Variants in NIPBL observed in about 807,000 individuals in gnomAD.
NIPBL encodes NIPBL cohesin loading factor, also known as nipped-B-like protein.
NIPBL carries 19 observed loss-of-function variants against 321.8 expected under a neutral mutation model. That is an observed-to-expected ratio of 0.06 (90% CI 0.04 to 0.09). The LOEUF (loss-of-function observed/expected upper bound fraction) is 0.09. NIPBL is among the 10% of genes least tolerant of loss of function. The pLI, the probability that NIPBL is intolerant of heterozygous loss-of-function variation, is 1.00. For missense variants in NIPBL, 2,210 were observed against 3,327.0 expected (o/e 0.66, Z 8.26); for synonymous variants, 1,106 against 1,114.1 (o/e 0.99, Z 0.14).
intron 1 of NIPBL, chr5:36,886,077 C>T (rs1220239588): frequency 1.1e-5 from 8 of 698,712 alleles, no homozygotes; most frequent in Non-Finnish European, 2.1e-5. Context: ...GTCGGAGCTG[C>T]TGAGATGACA....
At chr5:36,983,251 T>A (rs1744350173) in intron 9 of NIPBL, among the ~76,000 whole-genome samples, 1 of 151,894 alleles carries the variant, frequency 6.6e-6, no homozygotes, top group Admixed American at 6.6e-5. Context: ...AAATGGAGCA[T>A]GTGTGGTGAT....
At chr5:37,013,728 G>A (rs1748542614) in intron 21 of NIPBL, among the ~76,000 whole-genome samples, 3 of 151,858 alleles carry the variant, frequency 2.0e-5, no homozygotes, top group Admixed American at 2.0e-4. Flanking sequence ...TCCAGACTGG[G>A]CAGCCAGGCA....
intron 1 of NIPBL, among the ~76,000 whole-genome samples, chr5:36,912,447 T>TA (rs1299735975): frequency 4.6e-5 from 7 of 151,912 alleles, no homozygotes; most frequent in Non-Finnish European, 1.0e-4. Context: ...ATCATCAGCA[T>TA]ATAGATTCAG....
At chr5:36,916,311 A>G (rs1333295793) in intron 1 of NIPBL, among the ~76,000 whole-genome samples, 2 of 152,226 alleles carry the variant, frequency 1.3e-5, no homozygotes, top group Non-Finnish European at 2.9e-5. Flanking sequence ...CTTTAGTTTG[A>G]AAGAAACTGA....
chr5:37,064,460 A>G (rs1251600026), intron 46 of NIPBL, 67 bp from the exon 47 acceptor site: 1 of 1,599,592 alleles, frequency 6.3e-7, no homozygotes, highest in East Asian at 2.2e-5. Context: ...AAGCAATAAA[A>G]ACAATAATTT....
chr5:36,959,560 A>G (rs560959156), intron 4 of NIPBL, among the ~76,000 whole-genome samples: 12 of 152,322 alleles, frequency 7.9e-5, no homozygotes, highest in South Asian at 4.1e-4. Context: ...CTTTCTGGAA[A>G]AATGTTGGAA....
At chr5:37,018,248 T>C (rs1749213752) in intron 24 of NIPBL, among the ~76,000 whole-genome samples, 1 of 152,136 alleles carries the variant, frequency 6.6e-6, no homozygotes, top group Non-Finnish European at 1.5e-5. Context: ...AAACAAGAGC[T>C]CTCACTTAAA....
At chr5:36,916,945 G>A (rs1748508958) in intron 1 of NIPBL, among the ~76,000 whole-genome samples, 1 of 152,108 alleles carries the variant, frequency 6.6e-6, no homozygotes, top group African/African-American at 2.4e-5. Flanking sequence ...ATTGTGAATA[G>A]TGCCGCAATA....
intron 6 of NIPBL, among the ~76,000 whole-genome samples, chr5:36,964,418 A>G (rs1289303117): frequency 6.6e-6 from 1 of 152,186 alleles, no homozygotes; most frequent in Non-Finnish European, 1.5e-5. Flanking sequence ...ATCCCAGAAT[A>G]GAGAATCCAG....
intron 1 of NIPBL, among the ~76,000 whole-genome samples, chr5:36,879,202 T>A (rs1745326883): frequency 6.6e-6 from 1 of 152,212 alleles, no homozygotes; most frequent in South Asian, 2.1e-4. Context: ...CTTGCTTAAT[T>A]TTCACGAACT....
intron 1 of NIPBL, 27 bp from the exon 2 acceptor site, chr5:36,953,591 A>T: frequency 1.1e-6 from 1 of 909,854 alleles, no homozygotes; most frequent in Non-Finnish European, 1.9e-6. Flanking sequence ...TATCTCTACA[A>T]ATAATTGTCT....
rs180902243 is a variant in NIPBL at position 37,064,050 on chromosome 5, C to T, written c.8049+72C>T. ...ATGATTTTTATGTGCTTATATATGT[C>T]AGTCTATTAAATGTACACCAAGTAA... is the stretch of plus-strand genomic sequence containing the variant. On this transcript the variant is annotated intron_variant, in intron 46 of 46. Transcript: ENST00000282516. The T allele has an allele frequency of 2.3e-4, 360 of 1,570,040 alleles. 2 individuals carry two copies. In the East Asian group the frequency reaches 7.9e-3, roughly 35 times the overall value.
At chr5:37,004,952 G>A (rs1747252031) in intron 16 of NIPBL, among the ~76,000 whole-genome samples, 2 of 152,124 alleles carry the variant, frequency 1.3e-5, no homozygotes, top group African/African-American at 4.8e-5. Flanking sequence ...GGATTGCTAG[G>A]GGATCTACAT....
chr5:36,944,362 T>C (rs1194297084), intron 1 of NIPBL, among the ~76,000 whole-genome samples: 1 of 152,132 alleles, frequency 6.6e-6, no homozygotes, highest in Non-Finnish European at 1.5e-5. Context: ...TGCTCTTTCA[T>C]GTGCTTTATT....
intron 9 of NIPBL, among the ~76,000 whole-genome samples, chr5:36,983,793 ATGG>A (rs761382399): frequency 3.3e-5 from 5 of 151,988 alleles, no homozygotes; most frequent in Admixed American, 1.3e-4. Context: ...TTTTATTGTA[ATGG>A]TGAATTTGTG....
chr5:36,985,190 G>A lies in NIPBL; in HGVS notation c.2010G>A (p.Glu670=). 6.2e-7 allele frequency: 1 copy of A among 1,613,880 alleles called. No homozygotes were observed. Reference sequence around the variant, plus strand: ...AACAAAACGAGAGCACCATAGTTGAGCCTAAACAAAATGAAAATAGACTGT... The same window carrying A: ...AACAAAACGAGAGCACCATAGTTGAACCTAAACAAAATGAAAATAGACTGT... ...ECKQNESTIV[E]PKQNENRLSD... is the part of the protein sequence containing the mutation. Residue 670 remains glutamate (E), a synonymous_variant, in exon 10 of 47, where the codon GAG becomes GAA. Transcript: ENST00000282516.
At chr5:36,898,636 C>G (rs1305427617) in intron 1 of NIPBL, among the ~76,000 whole-genome samples, 1 of 151,912 alleles carries the variant, frequency 6.6e-6, no homozygotes, top group Admixed American at 6.6e-5. Context: ...CTCAGCCTCC[C>G]GAATAGCTGG....
chr5:37,044,830 T>C (rs542959897), intron 36 of NIPBL, 101 bp downstream of exon 36: 11 of 820,788 alleles, frequency 1.3e-5, no homozygotes, highest in Non-Finnish European at 2.3e-5. Context: ...GAGGAAATTA[T>C]GAGGTGTGAT....
chr5:37,041,807 T>C (rs1397238344), intron 34 of NIPBL, among the ~76,000 whole-genome samples: 2 of 150,776 alleles, frequency 1.3e-5, no homozygotes, highest in Admixed American at 1.3e-4. Flanking sequence ...TCAAGTGATC[T>C]GCCTACTGTG....
Sources: gnomAD v4.1 joint callset for allele counts (sites outside exome capture counted in the v4.1 genomes callset) on GRCh38, gnomAD v4.1.1 for gene constraint, MANE v1.5 for transcripts, NCBI Gene and HGNC (gene_info 2026-07-23, HGNC 2026-07-21) for gene names.